The following KLRB1 variants were observed in gnomAD, a reference collection of about 807,000 sequenced individuals.
The protein encoded by KLRB1 is killer cell lectin-like receptor subfamily B member 1.
KLRB1 carries 27 observed loss-of-function variants against 33.5 expected under a neutral mutation model. That is an observed-to-expected ratio of 0.81 (90% CI 0.59 to 1.11). The LOEUF (loss-of-function observed/expected upper bound fraction) is 1.11. KLRB1 is among the 50% of genes most tolerant of loss of function. KLRB1 has a pLI of 0.00. For missense variants in KLRB1, 241 were observed against 254.1 expected (o/e 0.95, Z 0.35); for synonymous variants, 64 against 88.9 (o/e 0.72, Z 1.58).
chr12:9,599,944 G>T, intron 2 of KLRB1, 103 bp from the exon 3 acceptor site: 3 of 634,180 alleles, frequency 4.7e-6, no homozygotes, highest in East Asian at 2.9e-5. Context: ...CAACACGCTT[G>T]AATATGGACA....
chr12:9,607,355 C>CCTTCCTTTCTTTCTTTCTTTCTTT (rs1864625911), intron 1 of KLRB1, among the ~76,000 whole-genome samples: 29 of 52,774 alleles, frequency 5.5e-4, no homozygotes, highest in Non-Finnish European at 8.7e-4. Flanking sequence ...TTTCTTTCTT[C>CCTTCCTTTCTTTCTTTCTTTCTTT]CTTTCTTTCT....
At chr12:9,607,491 T>C (rs1415853204) in intron 1 of KLRB1, among the ~76,000 whole-genome samples, 1 of 151,450 alleles carries the variant, frequency 6.6e-6, no homozygotes, top group Admixed American at 6.6e-5. Flanking sequence ...TAGCCTAAAG[T>C]GTTCAGAGTC....
chr12:9,604,078 T>C (rs1864574397), intron 1 of KLRB1, among the ~76,000 whole-genome samples: 1 of 152,078 alleles, frequency 6.6e-6, no homozygotes, highest in Non-Finnish European at 1.5e-5. Flanking sequence ...TCGTTATTCA[T>C]TCATGCTAAA....
chr12:9,607,335 C>CCTTCCTGCCTGCCTGCCTTCCTTT (rs1864621978), intron 1 of KLRB1, among the ~76,000 whole-genome samples: 2 of 65,170 alleles, frequency 3.1e-5, no homozygotes, highest in African/African-American at 4.2e-5. Context: ...CTCTTTCTTT[C>CCTTCCTGCCTGCCTGCCTTCCTTT]CTTTCTTTCT....
rs199752546 is a variant in KLRB1, at chr12:9,602,412, GA to G, written c.86-814del. Among the ~76,000 whole-genome samples the G allele has an allele frequency of 8.2e-3, 1,241 of 151,412 alleles. 6 individuals are homozygous for G. Among genetic ancestry groups the G allele is most frequent in the Middle Eastern group, 0.037 (11 of 294 alleles). ...GTATCTTTGAAAACATGAATTAATA[GA>G]AAAAAAATAAAGAGAGATTTATAAA... On this transcript the variant is annotated intron_variant, in intron 1 of 5. Transcript: ENST00000229402.
chr12:9,607,405 T>TTTCTTTCTTTTC (rs1565444748), intron 1 of KLRB1, among the ~76,000 whole-genome samples: 1 of 48,036 alleles, frequency 2.1e-5, no homozygotes, highest in African/African-American at 6.1e-5. Flanking sequence ...TCTTTCTTTC[T>TTTCTTTCTTTTC]TTTCTTTCTT....
intron 1 of KLRB1, among the ~76,000 whole-genome samples, chr12:9,603,574 G>T (rs772245621): frequency 5.0e-4 from 75 of 148,580 alleles, no homozygotes; most frequent in African/African-American, 1.8e-3. Context: ...ACAGGCATGC[G>T]CCACCATGCC....
chr12:9,597,161 A>G (rs1407331513), intron 5 of KLRB1, among the ~76,000 whole-genome samples: 2 of 152,142 alleles, frequency 1.3e-5, no homozygotes, highest in Non-Finnish European at 2.9e-5. Flanking sequence ...ACATTCTCCT[A>G]TGTTTTAGAT....
rs1042121856 is a variant in KLRB1 at position 9,606,066 on chromosome 12, G to C, written c.85+1689C>G. ...CTCCCTATAGTTATTAGAACCCTCT[G>C]ATTTCCTCTACTCTTATGTGAAAAT... On this transcript the variant is annotated intron_variant, in intron 1 of 5. Transcript: ENST00000229402. 7.2e-5 allele frequency among the ~76,000 whole-genome samples: 11 copies of C among 152,212 alleles called. 2 individuals carry two copies. Among genetic ancestry groups the C allele is most frequent in the Admixed American group, 3.3e-4 (5 of 15,284 alleles).
intron 1 of KLRB1, among the ~76,000 whole-genome samples, chr12:9,606,073 T>G (rs902291254): frequency 4.6e-5 from 7 of 152,186 alleles, no homozygotes; most frequent in Non-Finnish European, 4.4e-5. Context: ...TCTGATTTCC[T>G]CTACTCTTAT....
intron 1 of KLRB1, among the ~76,000 whole-genome samples, chr12:9,606,079 C>G (rs1000509580): frequency 6.6e-6 from 1 of 152,140 alleles, no homozygotes; most frequent in Non-Finnish European, 1.5e-5. Flanking sequence ...TTCCTCTACT[C>G]TTATGTGAAA....
chr12:9,599,880 A>G (rs1361348715), intron 2 of KLRB1, 39 bp from the exon 3 acceptor site: 2 of 1,139,580 alleles, frequency 1.8e-6, no homozygotes, highest in South Asian at 2.5e-5. Flanking sequence ...AAATGCTGAA[A>G]TGTGTGGTGG....
intron 1 of KLRB1, among the ~76,000 whole-genome samples, chr12:9,602,614 ATATAT>A (rs1378119253): frequency 6.6e-6 from 1 of 151,864 alleles, no homozygotes; most frequent in Non-Finnish European, 1.5e-5. Context: ...AACATATTAG[ATATAT>A]TATAATTATA....
chr12:9,607,370 T>TTCTTTCTC (rs1555097816), intron 1 of KLRB1, among the ~76,000 whole-genome samples: 2,482 of 86,430 alleles, frequency 0.029, 110 homozygotes, highest in Non-Finnish European at 0.036. Context: ...CTTTCTTTCT[T>TTCTTTCTC]TCTTTCTTTC....
chr12:9,603,212 T>TTA (rs1322592824), intron 1 of KLRB1, among the ~76,000 whole-genome samples: 3 of 152,160 alleles, frequency 2.0e-5, no homozygotes, highest in Non-Finnish European at 4.4e-5. Flanking sequence ...GGCCTAGAAC[T>TTA]TCTAATGAGA....
At chr12:9,605,286 C>T (rs755531178) in intron 1 of KLRB1, among the ~76,000 whole-genome samples, 26 of 152,194 alleles carry the variant, frequency 1.7e-4, no homozygotes, top group African/African-American at 5.3e-4. Context: ...TGAATGCTGC[C>T]GCAATAAACA....
chr12:9,601,441 C>G, intron 2 of KLRB1, 60 bp downstream of exon 2: 2 of 1,298,762 alleles, frequency 1.5e-6, no homozygotes, highest in East Asian at 2.3e-5. Context: ...CAGAGATGCT[C>G]TAAGATACGT....
At chr12:9,600,221 G>A (rs1864526421) in intron 2 of KLRB1, among the ~76,000 whole-genome samples, 1 of 152,090 alleles carries the variant, frequency 6.6e-6, no homozygotes, top group South Asian at 2.1e-4. Context: ...ATTTTAGTAA[G>A]TACATTATAA....
Position 9,607,246 on chromosome 12 carries a change from C to T in KLRB1, c.85+509G>A, listed in dbSNP as rs1315307472. On this transcript the variant is annotated intron_variant, in intron 1 of 5. Transcript: ENST00000229402. The stretch of plus-strand genomic sequence containing the variant: ...TTCCTTCCATCCTTCCTTCCTTCCT[C>T]CTTCTCTTTTTCTTTCTTTCCTTTC... 7.4e-4 allele frequency among the ~76,000 whole-genome samples: 21 copies of T among 28,514 alleles called. 1 individual carries two copies. In the East Asian group the frequency reaches 0.019, roughly 26 times the overall value. The allele number at this position is 28,514 out of a possible 152,430, so 18.7% of individuals were successfully genotyped here.
Sources: gnomAD v4.1 joint callset for allele counts (sites outside exome capture counted in the v4.1 genomes callset) on GRCh38, gnomAD v4.1.1 for gene constraint, MANE v1.5 for transcripts, NCBI Gene and HGNC (gene_info 2026-07-23, HGNC 2026-07-21) for gene names.